The following RBFOX1 variants were observed in gnomAD, a reference collection of about 807,000 sequenced individuals.
RBFOX1 encodes the protein RNA binding protein fox-1 homolog 1.
RBFOX1 carries 8 observed loss-of-function variants against 57.7 expected under a neutral mutation model. That is an observed-to-expected ratio of 0.14 (90% CI 0.08 to 0.25). RBFOX1 has a LOEUF of 0.25. RBFOX1 is among the 10% of genes least tolerant of loss of function. The pLI, the probability that RBFOX1 is intolerant of heterozygous loss-of-function variation, is 1.00. For missense variants in RBFOX1, 611 were observed against 548.5 expected (o/e 1.11, Z -1.14); for synonymous variants, 326 against 222.4 (o/e 1.47, Z -4.15).
intron 2 of RBFOX1, among the ~76,000 whole-genome samples, chr16:6,455,402 G>A (rs1287586177): frequency 6.6e-6 from 1 of 152,140 alleles, no homozygotes; most frequent in Non-Finnish European, 1.5e-5. Context: ...AAAGGCTGCA[G>A]AGAGAAGGCA....
At chr16:6,063,507 C>CACACA (rs1555493205) in intron 1 of RBFOX1, among the ~76,000 whole-genome samples, 1,504 of 47,152 alleles carry the variant, frequency 0.032, 39 homozygotes, top group African/African-American at 0.062. Flanking sequence ...ACACACACAC[C>CACACA]CCCTTATATT....
At chr16:7,198,283 G>A (rs1011553922) in intron 4 of RBFOX1, among the ~76,000 whole-genome samples, 1 of 152,132 alleles carries the variant, frequency 6.6e-6, no homozygotes, top group Admixed American at 6.5e-5. Context: ...GGGATTACAG[G>A]CGTAAGCCAC....
intron 2 of RBFOX1, among the ~76,000 whole-genome samples, chr16:6,425,420 A>C (rs1468568778): frequency 6.6e-6 from 1 of 152,140 alleles, no homozygotes; most frequent in Non-Finnish European, 1.5e-5. Context: ...AGTAGTGTTC[A>C]ATTTGCCTTC....
chr16:7,458,550 C>G (rs189662763), intron 4 of RBFOX1, among the ~76,000 whole-genome samples: 13 of 152,328 alleles, frequency 8.5e-5, no homozygotes, highest in African/African-American at 2.6e-4. Context: ...AAAACATTGA[C>G]TTCTCTGACC....
Position 7,625,930 on chromosome 16 carries a change from T to C in RBFOX1, c.677-4673T>C, listed in dbSNP as rs191839115. 2.5e-4 allele frequency among the ~76,000 whole-genome samples: 38 copies of C among 152,270 alleles called. No homozygotes were observed. The East Asian group carries it at 7.0e-3, about 28-fold the overall frequency. ...TGAGGATAGGAAGATAAACACATGATTCCTGATCTCTTTGAATTAGTAGCA... is the reference window on the plus strand; with the variant it reads ...TGAGGATAGGAAGATAAACACATGACTCCTGATCTCTTTGAATTAGTAGCA... On this transcript the variant is annotated intron_variant, in intron 10 of 15. Transcript: ENST00000550418.
chr16:7,268,327 A>G (rs1353286180), intron 4 of RBFOX1, among the ~76,000 whole-genome samples: 1 of 152,160 alleles, frequency 6.6e-6, no homozygotes, highest in Non-Finnish European at 1.5e-5. Flanking sequence ...CAAAAGTGGA[A>G]GTGGAGAAAC....
At chr16:7,536,156 T>C (rs7194350) in intron 5 of RBFOX1, among the ~76,000 whole-genome samples, 144,192 of 152,278 alleles carry the variant, frequency 0.95, 68,573 homozygotes, top group Non-Finnish European at 0.99. Context: ...GATGTGGATC[T>C]CGTGGAAAGG....
intron 4 of RBFOX1, among the ~76,000 whole-genome samples, chr16:7,507,495 A>G (rs1600335177): frequency 1.4e-5 from 2 of 147,134 alleles, no homozygotes; most frequent in Admixed American, 1.4e-4. Flanking sequence ...CCTGGATCCC[A>G]CCCTCAGAGA....
chr16:5,770,368 T>G (rs191219858), intron 3 of RBFOX1, among the ~76,000 whole-genome samples: 25 of 152,292 alleles, frequency 1.6e-4, no homozygotes, highest in Admixed American at 1.4e-3. Flanking sequence ...ATCAGTGACA[T>G]AAGTTTACAA....
intron 2 of RBFOX1, among the ~76,000 whole-genome samples, chr16:6,599,770 A>T (rs971749273): frequency 3.9e-5 from 6 of 152,188 alleles, no homozygotes; most frequent in African/African-American, 1.4e-4. Flanking sequence ...AGGTGCGTGT[A>T]ACTTAATGCA....
chr16:6,998,478 A>G (rs907847702), intron 3 of RBFOX1, among the ~76,000 whole-genome samples: 1 of 152,178 alleles, frequency 6.6e-6, no homozygotes, highest in Admixed American at 6.5e-5. Context: ...TAGGGAAAAG[A>G]TGATGTCAGA....
chr16:6,422,671 G>A (rs950671828), intron 2 of RBFOX1, among the ~76,000 whole-genome samples: 4 of 152,114 alleles, frequency 2.6e-5, no homozygotes, highest in African/African-American at 9.7e-5. Context: ...GAGAACAAGA[G>A]GGGCGGCGCT....
intron 4 of RBFOX1, among the ~76,000 whole-genome samples, chr16:7,099,145 T>G (rs1053503833): frequency 6.6e-6 from 1 of 151,884 alleles, no homozygotes; most frequent in African/African-American, 2.4e-5. Flanking sequence ...AGCTGTTTAC[T>G]AAAAGTTAGT....
chr16:6,932,918 C>G (rs919049397), intron 3 of RBFOX1, among the ~76,000 whole-genome samples: 1 of 152,216 alleles, frequency 6.6e-6, no homozygotes, highest in East Asian at 1.9e-4. Context: ...CCCCCAGCCC[C>G]TGGCAACTAC....
chr16:5,330,501 C>T (rs956342827), intron 1 of RBFOX1, among the ~76,000 whole-genome samples: 14 of 152,088 alleles, frequency 9.2e-5, no homozygotes, highest in African/African-American at 2.9e-4. Flanking sequence ...CTCCCAGGTT[C>T]GAGCAATTCT....
At chr16:5,692,166 TG>T (rs377658669) in intron 3 of RBFOX1, among the ~76,000 whole-genome samples, 126,424 of 140,980 alleles carry the variant, frequency 0.9, 56,319 homozygotes, top group East Asian at 1. Flanking sequence ...AGGGACTGAC[TG>T]TGTGTGTGTG....
At chr16:6,030,906 G>A (rs1462164815) in intron 1 of RBFOX1, among the ~76,000 whole-genome samples, 1 of 152,172 alleles carries the variant, frequency 6.6e-6, no homozygotes, top group Non-Finnish European at 1.5e-5. Flanking sequence ...GGCACTGTTA[G>A]GCACTGGGGA....
intron 2 of RBFOX1, among the ~76,000 whole-genome samples, chr16:5,590,372 G>A (rs914678679): frequency 9.9e-5 from 15 of 152,168 alleles, no homozygotes; most frequent in African/African-American, 3.6e-4. Flanking sequence ...GGACTGAAGA[G>A]TTTAATCTGA....
intron 2 of RBFOX1, among the ~76,000 whole-genome samples, chr16:6,437,792 C>T (rs1156802604): frequency 2.6e-5 from 4 of 152,214 alleles, no homozygotes; most frequent in Non-Finnish European, 5.9e-5. Flanking sequence ...TTTAAATAAC[C>T]AGACCTCGTG....
Sources: gnomAD v4.1 joint callset for allele counts (sites outside exome capture counted in the v4.1 genomes callset) on GRCh38, gnomAD v4.1.1 for gene constraint, MANE v1.5 for transcripts, NCBI Gene and HGNC (gene_info 2026-07-23, HGNC 2026-07-21) for gene names.